MICAL2: variants seen among roughly 807,000 people sequenced by gnomAD.
MICAL2 encodes the protein microtubule associated monooxygenase, calponin and LIM domain containing 2, also known as [F-actin]-monooxygenase MICAL2.
A neutral mutation model predicts 127.3 loss-of-function variants in MICAL2; 77 were observed. The observed-to-expected ratio is 0.60, with a 90% CI of 0.50 to 0.73. MICAL2 has a LOEUF of 0.73. Among genes scored for constraint, MICAL2 ranks in the 30% least tolerant of loss-of-function variants. The probability of loss-of-function intolerance (pLI) is 0.00; values close to 1 mark genes in which losing one functional copy is unlikely to be tolerated. For missense variants in MICAL2, 1,351 were observed against 1,434.4 expected, an observed-to-expected ratio of 0.94 and a Z score of 0.94; for synonymous variants, 570 against 551.1, an observed-to-expected ratio of 1.03 and a Z score of -0.48.
intron 25 of MICAL2, 36 bp downstream of exon 25, chr11:12,258,592 A>C (rs373279824): frequency 2.5e-5 from 40 of 1,585,276 alleles, no homozygotes; most frequent in Non-Finnish European, 3.5e-5. Flanking sequence ...GAAACGGGGA[A>C]GGCCCCTTGA....
At chr11:12,282,833 T>C (rs1863786381) in intron 2 of MICAL2, among the ~76,000 whole-genome samples, 1 of 152,164 alleles carries the variant, frequency 6.6e-6, no homozygotes, top group South Asian at 2.1e-4. Flanking sequence ...AATGCAGCCT[T>C]AGTATTCTCG....
intron 1 of MICAL2, among the ~76,000 whole-genome samples, chr11:12,127,224 T>A (rs958724476): frequency 2.0e-5 from 3 of 152,164 alleles, no homozygotes; most frequent in Non-Finnish European, 4.4e-5. Context: ...AGTCTAGGCA[T>A]CTCTAGCCTC....
intron 15 of MICAL2, among the ~76,000 whole-genome samples, chr11:12,232,993 A>G (rs1016183908): frequency 6.6e-6 from 1 of 152,134 alleles, no homozygotes. Flanking sequence ...CAGCATATCC[A>G]TGGTGTATTT....
intron 21 of MICAL2, among the ~76,000 whole-genome samples, chr11:12,248,237 C>T (rs1861035600): frequency 6.6e-6 from 1 of 152,130 alleles, no homozygotes; most frequent in Non-Finnish European, 1.5e-5. Context: ...TGAATGGTCA[C>T]AGGGAGTCTT....
At chr11:12,345,030 T>A (rs902655948) in intron 32 of MICAL2, among the ~76,000 whole-genome samples, 1 of 150,560 alleles carries the variant, frequency 6.6e-6, no homozygotes, top group African/African-American at 2.5e-5. Flanking sequence ...GAGAATGGTG[T>A]GAACCCGGGA....
intron 32 of MICAL2, among the ~76,000 whole-genome samples, chr11:12,340,415 G>C (rs539596160): frequency 2.1e-4 from 32 of 152,304 alleles, no homozygotes; most frequent in South Asian, 1.9e-3. Flanking sequence ...GGGACAAGGT[G>C]CACTCTTATT....
intron 29 of MICAL2, among the ~76,000 whole-genome samples, chr11:12,299,676 G>A (rs572272916): frequency 1.2e-4 from 19 of 152,034 alleles, no homozygotes; most frequent in Admixed American, 5.2e-4. Context: ...CGTTTTTATT[G>A]CAGTATTACA....
At chr11:12,178,875 T>C (rs1857128224) in intron 3 of MICAL2, among the ~76,000 whole-genome samples, 1 of 152,006 alleles carries the variant, frequency 6.6e-6, no homozygotes, top group Non-Finnish European at 1.5e-5. Flanking sequence ...GCCCATCTCC[T>C]TTCTTCCTCC....
intron 29 of MICAL2, among the ~76,000 whole-genome samples, chr11:12,311,572 T>A (rs1200034436): frequency 6.6e-6 from 1 of 152,210 alleles, no homozygotes; most frequent in Non-Finnish European, 1.5e-5. Flanking sequence ...CGGCTAATTT[T>A]TGTATTTTTC....
chr11:12,215,897 C>T lies in MICAL2; in HGVS notation c.848-322C>T, dbSNP rs539201101. 2.6e-5 allele frequency among the ~76,000 whole-genome samples: 4 copies of T among 152,322 alleles called. No homozygotes were observed. The East Asian group carries it at 7.7e-4, about 29-fold the overall frequency. ...GGTTCAAATCCCAGCCCTGTCATTGCTGAGCTTCTGTGGCCATGGCCGGCA... is the reference window on the plus strand; with the variant it reads ...GGTTCAAATCCCAGCCCTGTCATTGTTGAGCTTCTGTGGCCATGGCCGGCA... On this transcript the variant is annotated intron_variant, in intron 7 of 27. Coordinates refer to ENST00000683283, the MANE Select transcript of MICAL2 (RefSeq NM_001282663.2).
chr11:12,289,765 C>T (rs905831855), downstream of MICAL2, among the ~76,000 whole-genome samples: 2 of 152,054 alleles, frequency 1.3e-5, no homozygotes, highest in Non-Finnish European at 1.5e-5. Context: ...AACAAGGTTT[C>T]GCCATGTTGG....
chr11:12,226,197 A>T lies in MICAL2; in HGVS notation c.1715A>T (p.Asp572Val). ...AACTTTGACTCTTTGAATGAAGATG[A>T]TGCTGTGGAGAACAACCAGCTCGCA... ...LINFDSLNED[D>V]AVENNQLAFD... is the part of the protein sequence containing the mutation. The change falls in exon 14 of 28, where the codon GAT (aspartate) becomes GTT (valine). Residue 572 changes from aspartate (D) to valine (V), a missense_variant. By Grantham distance (152) the Asp-to-Val change is radical. Coordinates refer to ENST00000683283, the MANE Select transcript of MICAL2 (RefSeq NM_001282663.2). 1 of 1,614,232 alleles carries T rather than the reference A, an allele frequency of 6.2e-7. No homozygotes were observed. The highest frequency in any genetic ancestry group is 8.5e-7 in the Non-Finnish European group (1 of 1,180,048).
intron 32 of MICAL2, among the ~76,000 whole-genome samples, chr11:12,347,803 G>C (rs1372381632): frequency 6.6e-6 from 1 of 152,070 alleles, no homozygotes; most frequent in Admixed American, 6.5e-5. Context: ...ATGTGGGACT[G>C]GGTCAGAACT....
chr11:12,335,418 T>A (rs374685612), intron 32 of MICAL2, among the ~76,000 whole-genome samples: 3 of 152,114 alleles, frequency 2.0e-5, no homozygotes, highest in East Asian at 1.9e-4. Flanking sequence ...GTTCACTCTG[T>A]TGGTAGTTTC....
At chr11:12,242,566 C>A in intron 19 of MICAL2, 105 bp from the exon 20 acceptor site, 1 of 1,418,330 alleles carries the variant, frequency 7.1e-7, no homozygotes, top group Non-Finnish European at 9.9e-7. Flanking sequence ...GTGTGGTGAG[C>A]AGGCAAGGCC....
intron 12 of MICAL2, 138 bp from the exon 13 acceptor site, chr11:12,224,535 A>G (rs1857180795): frequency 1.8e-6 from 2 of 1,114,380 alleles, no homozygotes; most frequent in African/African-American, 1.6e-5. Context: ...CACCCGTGCC[A>G]GTGGCCCCCT....
intron 1 of MICAL2, among the ~76,000 whole-genome samples, chr11:12,127,553 AG>A (rs1203665310): frequency 6.6e-6 from 1 of 152,036 alleles, no homozygotes; most frequent in African/African-American, 2.4e-5. Context: ...CAGCTCGGGG[AG>A]GGCTGTAATT....
downstream of MICAL2, chr11:12,292,169 A>C: frequency 6.2e-7 from 1 of 1,614,044 alleles, no homozygotes; most frequent in African/African-American, 1.3e-5. Context: ...CAAAAGAACT[A>C]TGTCACCTCC....
At chr11:12,305,236 G>A (rs1864094983) in intron 29 of MICAL2, among the ~76,000 whole-genome samples, 1 of 152,188 alleles carries the variant, frequency 6.6e-6, no homozygotes, top group South Asian at 2.1e-4. Context: ...GTGGCAGAAG[G>A]GGAGGCAGGC....
Sources: allele counts gnomAD v4.1 joint callset (sites outside exome capture counted in the v4.1 genomes callset), GRCh38; gene constraint gnomAD v4.1.1; transcripts MANE v1.5; gene names NCBI Gene and HGNC (gene_info 2026-07-23, HGNC 2026-07-21).